SEPHS1: variants seen among roughly 807,000 people sequenced by gnomAD.
SEPHS1 encodes zincore component SEPHS1.
SEPHS1 carries 7 observed loss-of-function variants against 39.2 expected under a neutral mutation model. The ratio of observed to expected loss-of-function variants is 0.18; its 90% CI spans 0.10 to 0.34. The LOEUF (loss-of-function observed/expected upper bound fraction) is 0.34. Among genes scored for constraint, SEPHS1 ranks in the 10% least tolerant of loss-of-function variants. SEPHS1 has a pLI of 1.00. For missense variants in SEPHS1, 253 were observed against 514.5 expected (o/e 0.49, Z 4.92); for synonymous variants, 190 against 195.5 (o/e 0.97, Z 0.23).
chr10:13,328,299 C>G, intron 7 of SEPHS1, 52 bp downstream of exon 7: 1 of 1,263,728 alleles, frequency 7.9e-7, no homozygotes, highest in Non-Finnish European at 1.2e-6. Flanking sequence ...AAGCCTAAGA[C>G]ATTTACTGTC....
intron 1 of SEPHS1, among the ~76,000 whole-genome samples, chr10:13,347,797 C>A (rs1247036134): frequency 7.8e-6 from 1 of 127,710 alleles, no homozygotes; most frequent in East Asian, 2.9e-4. Context: ...GCGGCGGCGG[C>A]GCGGGCGGCG....
intron 2 of SEPHS1, among the ~76,000 whole-genome samples, chr10:13,339,752 T>C (rs1015303559): frequency 6.6e-6 from 1 of 152,174 alleles, no homozygotes; most frequent in African/African-American, 2.4e-5. Context: ...AAATCATCTC[T>C]AGATCACCTA....
At position 13,318,959 on chromosome 10, in the gene SEPHS1, T is replaced by C; in HGVS notation, c.*183A>G. On this transcript the variant is annotated 3_prime_UTR_variant, in exon 9 of 9. Transcript: ENST00000327347. ...GCCTCAAGATTAGGTGCATCTTCAG[T>C]TAATGTAACAGGAAAAAAAGGCAAT... 1.7e-6 allele frequency: 1 copy of C among 599,622 alleles called. No individual in the cohort carries two copies. The highest frequency in any genetic ancestry group is 2.9e-6 in the Non-Finnish European group (1 of 346,520). 37.1% of individuals were successfully genotyped at this position (599,622 alleles called of 1,614,324 possible). A position where few individuals can be genotyped will look rare whatever the true frequency, so the allele number is the denominator to read the frequency against.
At chr10:13,334,269 A>G (rs996847981) in intron 4 of SEPHS1, among the ~76,000 whole-genome samples, 6 of 152,186 alleles carry the variant, frequency 3.9e-5, no homozygotes, top group African/African-American at 1.4e-4. Flanking sequence ...GACCGGGCAC[A>G]GTGGCTCATG....
chr10:13,339,717 C>G (rs1160196315), intron 2 of SEPHS1, among the ~76,000 whole-genome samples: 1 of 152,108 alleles, frequency 6.6e-6, no homozygotes, highest in African/African-American at 2.4e-5. Flanking sequence ...TGCATATAAC[C>G]TACACACATC....
Position 13,318,993 on chromosome 10 carries a change from T to C in SEPHS1, c.*149A>G, listed in dbSNP as rs1396591954. The C allele has an allele frequency of 4.3e-6, 3 of 700,658 alleles. No individual in the cohort carries two copies. The African/African-American group carries it at 5.5e-5, about 13-fold the overall frequency. 43.4% of individuals were successfully genotyped at this position (700,658 alleles called of 1,614,324 possible). ...CAGGAAAAAAAGGCAATGGATTTTA[T>C]TTTATTAATTGTATCCACTTACAAA... is the stretch of plus-strand genomic sequence containing the variant. On this transcript the variant is annotated 3_prime_UTR_variant, in exon 9 of 9. Transcript: ENST00000327347.
intron 7 of SEPHS1, among the ~76,000 whole-genome samples, chr10:13,326,718 G>C (rs942431580): frequency 6.6e-6 from 1 of 152,088 alleles, no homozygotes. Flanking sequence ...CTAAAGAGAC[G>C]AGATGGGGTC....
intron 2 of SEPHS1, 46 bp downstream of exon 2, chr10:13,344,712 T>C: frequency 1.5e-6 from 2 of 1,307,550 alleles, no homozygotes; most frequent in Non-Finnish European, 2.0e-6. Flanking sequence ...AGTTTTTGAC[T>C]CACTGATTGG....
chr10:13,333,734 C>T (rs1488157771), intron 5 of SEPHS1, 83 bp downstream of exon 5: 1 of 1,440,832 alleles, frequency 6.9e-7, no homozygotes, highest in East Asian at 2.4e-5. Flanking sequence ...GCCACTGCAC[C>T]TGACCTTAAT....
rs571102213 is a variant in SEPHS1, at chr10:13,318,984, T to C, written c.*158A>G. 6.0e-6 allele frequency: 4 copies of C among 671,652 alleles called. No individual in the cohort carries two copies. In the East Asian group the frequency reaches 1.2e-4, roughly 20 times the overall value. The allele number at this position is 671,652 out of a possible 1,614,324, so 41.6% of individuals were successfully genotyped here. A position where few individuals can be genotyped will look rare whatever the true frequency, so the allele number is the denominator to read the frequency against. On this transcript the variant is annotated 3_prime_UTR_variant, in exon 9 of 9. Transcript: ENST00000327347. Reference sequence around the variant, plus strand: ...TTAATGTAACAGGAAAAAAAGGCAATGGATTTTATTTTATTAATTGTATCC... The same window carrying C: ...TTAATGTAACAGGAAAAAAAGGCAACGGATTTTATTTTATTAATTGTATCC...
At position 13,324,451 on chromosome 10, in the gene SEPHS1, C is replaced by G. The variant is rs186224527; in HGVS notation, c.752-1404G>C. Among the ~76,000 whole-genome samples the G allele has an allele frequency of 2.2e-3, 330 of 152,272 alleles. 2 individuals carry two copies. Among genetic ancestry groups the G allele is most frequent in the Non-Finnish European group, 2.5e-3 (167 of 68,020 alleles). ...GTTTTCAACTTTTTTGAGTGAATAT[C>G]AAGGAGCACAATCGCTGCATCATAT... On this transcript the variant is annotated intron_variant, in intron 7 of 8. Coordinates refer to ENST00000327347, the MANE Select transcript of SEPHS1 (RefSeq NM_012247.5).
chr10:13,325,304 C>A (rs1217784561), intron 7 of SEPHS1, among the ~76,000 whole-genome samples: 1 of 152,156 alleles, frequency 6.6e-6, no homozygotes, highest in African/African-American at 2.4e-5. Flanking sequence ...GTCTACGAAT[C>A]ATCAATATGG....
Position 13,333,756 on chromosome 10 carries a change from TAA to T in SEPHS1, c.560+59_560+60del, listed in dbSNP as rs1324091487. ...CACCTGACCTTAATACATCAATTTTTAAAAAGAGAGGACAGAGAGAGAAAAAC... is the reference window on the plus strand; with the variant it reads ...CACCTGACCTTAATACATCAATTTTTAAAGAGAGGACAGAGAGAGAAAAAC... On this transcript the variant is annotated intron_variant, in intron 5 of 8. Coordinates refer to ENST00000327347, the MANE Select transcript of SEPHS1 (RefSeq NM_012247.5). 9 of 1,565,304 alleles carry T rather than the reference TAA, an allele frequency of 5.7e-6. No individual in the cohort carries two copies. The Admixed American group carries it at 1.4e-4, about 25-fold the overall frequency.
chr10:13,343,729 G>A (rs751651160), intron 2 of SEPHS1, among the ~76,000 whole-genome samples: 18 of 152,176 alleles, frequency 1.2e-4, no homozygotes, highest in Middle Eastern at 3.4e-3. Context: ...CAGAAGAATC[G>A]CATGAACCCA....
At chr10:13,334,138 C>T (rs1833554046) in intron 4 of SEPHS1, among the ~76,000 whole-genome samples, 167 bp from the exon 5 acceptor site, 1 of 152,210 alleles carries the variant, frequency 6.6e-6, no homozygotes, top group African/African-American at 2.4e-5. Flanking sequence ...TCGCTCACGC[C>T]TGTAATCCCA....
chr10:13,342,148 T>A (rs1357133207), intron 2 of SEPHS1, among the ~76,000 whole-genome samples: 1 of 150,630 alleles, frequency 6.6e-6, no homozygotes, highest in Non-Finnish European at 1.5e-5. Flanking sequence ...GCGCCTGTAG[T>A]CCCAGCTACT....
At chr10:13,346,687 C>G (rs1307008492) in intron 1 of SEPHS1, among the ~76,000 whole-genome samples, 2 of 151,900 alleles carry the variant, frequency 1.3e-5, no homozygotes, top group Non-Finnish European at 2.9e-5. Flanking sequence ...CAAAAAACAC[C>G]TCGCATTTAA....
In SEPHS1 at chr10:13,348,128, C is replaced by CGGCGGCGGCGGG. The variant is rs1273200547; in HGVS notation, c.-208_-207insCCCGCCGCCGCC. 1 of 145,144 alleles carries CGGCGGCGGCGGG rather than the reference C, an allele frequency of 6.9e-6. No individual in the cohort carries two copies. The highest frequency in any genetic ancestry group is 2.5e-5 in the African/African-American group (1 of 40,542). 9.0% of individuals were successfully genotyped at this position (145,144 alleles called of 1,614,324 possible). ...ATGCCGCGCCCGGCGGCGGCGGCGG[C>CGGCGGCGGCGGG]GGCGGGGGCCCGGGCCCGCGCCTGG... is the stretch of plus-strand genomic sequence containing the variant. On this transcript the variant is annotated 5_prime_UTR_variant, in exon 1 of 9. Coordinates refer to ENST00000327347, the MANE Select transcript of SEPHS1 (RefSeq NM_012247.5).
rs548135324 is a variant in SEPHS1, at chr10:13,344,875, G to A, written c.76C>T (p.Leu26=). Residue 26 remains leucine (L), a synonymous_variant, in exon 2 of 9, where the codon CTG becomes TTG. Coordinates refer to ENST00000327347, the MANE Select transcript of SEPHS1 (RefSeq NM_012247.5). ...KSFRLTRFTE[L]KGTGCKVPQD... ...GGCACTTTGCAGCCTGTGCCCTTCA[G>A]TTCAGTGAATCTGGTTAGCCGGAAG... 6.2e-7 allele frequency: 1 copy of A among 1,606,260 alleles called. No individual in the cohort carries two copies. The highest frequency in any genetic ancestry group is 2.2e-5 in the East Asian group (1 of 44,512).
Sources: allele counts gnomAD v4.1 joint callset (sites outside exome capture counted in the v4.1 genomes callset), GRCh38; gene constraint gnomAD v4.1.1; transcripts MANE v1.5; gene names NCBI Gene and HGNC (gene_info 2026-07-23, HGNC 2026-07-21).